Variants in CD34 observed in about 807,000 individuals in gnomAD.
The protein encoded by CD34 is hematopoietic progenitor cell antigen CD34.
In CD34, 34 loss-of-function variants were observed where a neutral mutation model predicts 40.1. The ratio of observed to expected loss-of-function variants is 0.85; its 90% CI spans 0.65 to 1.13. The LOEUF (loss-of-function observed/expected upper bound fraction) is 1.13, where lower values mean the gene tolerates loss of function less well. Among genes scored for constraint, CD34 ranks in the 50% most tolerant of loss-of-function variants. CD34 has a pLI of 0.00. For synonymous variants in CD34, 209 were observed against 190.0 expected (o/e 1.10, Z -0.82); for missense variants, 426 against 466.9 (o/e 0.91, Z 0.81).
chr1:207,910,254 AG>A (rs1662478491), intron 1 of CD34, among the ~76,000 whole-genome samples: 1 of 152,136 alleles, frequency 6.6e-6, no homozygotes, highest in Non-Finnish European at 1.5e-5. Context: ...AAACTCCAAA[AG>A]GTGACAAGTT....
intron 1 of CD34, among the ~76,000 whole-genome samples, chr1:207,902,059 G>T (rs1277748291): frequency 6.6e-6 from 1 of 152,182 alleles, no homozygotes; most frequent in Admixed American, 6.5e-5. Flanking sequence ...GATGACAAGG[G>T]TTTCACTCTC....
intron 1 of CD34, among the ~76,000 whole-genome samples, chr1:207,901,067 A>C (rs1378815954): frequency 6.8e-6 from 1 of 146,822 alleles, no homozygotes; most frequent in East Asian, 2.0e-4. Flanking sequence ...TGCAGTGGTG[A>C]GATCATAGCT....
chr1:207,899,746 T>C (rs1662235383), intron 2 of CD34, 75 bp downstream of exon 2: 1 of 1,341,132 alleles, frequency 7.5e-7, no homozygotes, highest in African/African-American at 1.5e-5. Flanking sequence ...AGGGGAGCGG[T>C]CTGAAAACAT....
chr1:207,896,301 A>C (rs1662148931), intron 4 of CD34, among the ~76,000 whole-genome samples: 1 of 152,224 alleles, frequency 6.6e-6, no homozygotes. Context: ...GATTTACTGA[A>C]ACAAAGCAAG....
In CD34 at chr1:207,889,149, C is replaced by A. The variant is rs1400574901; in HGVS notation, c.807+12G>T. The A allele has an allele frequency of 1.3e-6, 2 of 1,500,406 alleles. No individual in the cohort carries two copies. The highest frequency in any genetic ancestry group is 1.7e-4 in the Middle Eastern group (1 of 5,864). The allele number at this position is 1,500,406 out of a possible 1,614,324, so 92.9% of individuals were successfully genotyped here. A position where few individuals can be genotyped will look rare whatever the true frequency, so the allele number is the denominator to read the frequency against. On this transcript the variant is annotated intron_variant, in intron 6 of 7. Transcript: ENST00000310833. ...GCATTCCCTCTCAGGCCCATCATCT[C>A]AGAGGACTTACCTTTTTCAGGTCAG...
chr1:207,889,732 TC>T (rs764912889), intron 4 of CD34, 111 bp from the exon 5 acceptor site: 2 of 1,588,722 alleles, frequency 1.3e-6, no homozygotes, highest in Non-Finnish European at 8.5e-7. Context: ...GCAAGAAGGA[TC>T]CTTGTTTCTA....
chr1:207,888,384 A>G lies in CD34; in HGVS notation c.972+298T>C, dbSNP rs193281682. Among the ~76,000 whole-genome samples the G allele has an allele frequency of 3.3e-5, 5 of 152,304 alleles. No individual in the cohort carries two copies. In the East Asian group the frequency reaches 5.8e-4, roughly 18 times the overall value. On this transcript the variant is annotated intron_variant, in intron 7 of 7. Transcript: ENST00000310833. ...TTGCAAATACAGTGTGGCTGATTAAACAGCCTGTTCTGGTGGCCCCAAGCT... is the reference window on the plus strand; with the variant it reads ...TTGCAAATACAGTGTGGCTGATTAAGCAGCCTGTTCTGGTGGCCCCAAGCT...
At chr1:207,900,918 A>G (rs1248785126) in intron 1 of CD34, among the ~76,000 whole-genome samples, 1 of 151,874 alleles carries the variant, frequency 6.6e-6, no homozygotes, top group African/African-American at 2.4e-5. Context: ...TTATAGTATA[A>G]TGTTTTGGAT....
At chr1:207,907,215 T>C (rs1174860360) in intron 1 of CD34, among the ~76,000 whole-genome samples, 4 of 152,160 alleles carry the variant, frequency 2.6e-5, no homozygotes, top group Non-Finnish European at 5.9e-5. Context: ...TAGACATTAC[T>C]GTGCTAATGA....
intron 4 of CD34, chr1:207,890,074 T>C: frequency 7.9e-7 from 1 of 1,271,958 alleles, no homozygotes; most frequent in East Asian, 3.9e-5. Context: ...ATACACTCAG[T>C]GGAAACCTCA....
chr1:207,908,828 C>T (rs976011856), intron 1 of CD34, among the ~76,000 whole-genome samples: 7 of 152,152 alleles, frequency 4.6e-5, no homozygotes, highest in Non-Finnish European at 4.4e-5. Flanking sequence ...ATGCACATGC[C>T]ACCTTCTCAA....
intron 1 of CD34, among the ~76,000 whole-genome samples, chr1:207,900,509 G>A (rs983192568): frequency 4.0e-5 from 6 of 151,816 alleles, no homozygotes; most frequent in African/African-American, 1.5e-4. Flanking sequence ...CTCTTTTTTG[G>A]TCACTCTCCA....
At chr1:207,897,677 C>G in intron 3 of CD34, 104 bp from the exon 4 acceptor site, 4 of 838,098 alleles carry the variant, frequency 4.8e-6, no homozygotes, top group Non-Finnish European at 7.8e-6. Flanking sequence ...GTGAGGTGCT[C>G]TCTTAGGAGG....
In CD34 at chr1:207,888,931, C is replaced by T. The variant is rs796693057; in HGVS notation, c.808-85G>A. ...CTCCAGCCCTCTGTGTGTGACTCAACAGTGAACAGATGCTTGAGGGCATTG... is the reference window on the plus strand; with the variant it reads ...CTCCAGCCCTCTGTGTGTGACTCAATAGTGAACAGATGCTTGAGGGCATTG... On this transcript the variant is annotated intron_variant, in intron 6 of 7. Coordinates refer to ENST00000310833, the MANE Select transcript of CD34 (RefSeq NM_001025109.2). 20 of 1,338,034 alleles carry T rather than the reference C, an allele frequency of 1.5e-5. No homozygotes were observed. In the African/African-American group the frequency reaches 2.8e-4, roughly 18 times the overall value. The allele number at this position is 1,338,034 out of a possible 1,614,324, so 82.9% of individuals were successfully genotyped here.
intron 1 of CD34, among the ~76,000 whole-genome samples, chr1:207,908,771 C>G (rs1194661524): frequency 6.6e-6 from 1 of 152,162 alleles, no homozygotes; most frequent in Non-Finnish European, 1.5e-5. Flanking sequence ...CTGTGATCTC[C>G]CCCACTTCCA....
In CD34 at chr1:207,887,645, G is replaced by C; in HGVS notation, c.*93C>G. The C allele has an allele frequency of 6.4e-7, 1 of 1,552,012 alleles. No homozygotes were observed. Among genetic ancestry groups the C allele is most frequent in the African/African-American group, 1.3e-5 (1 of 74,210 alleles). On this transcript the variant is annotated 3_prime_UTR_variant, in exon 8 of 8. Transcript: ENST00000310833. ...TGCAGTGGGGAAGGGTTGGGCGTAA[G>C]AGATGTCACCTCCAGCATGGGGGTA...
At chr1:207,897,686 G>A (rs996121483) in intron 3 of CD34, 113 bp from the exon 4 acceptor site, 25 of 773,056 alleles carry the variant, frequency 3.2e-5, no homozygotes, top group Non-Finnish European at 4.6e-5. Flanking sequence ...TCTCTTAGGA[G>A]GTTTTAAGGA....
At chr1:207,898,059 A>ATTTATTTT (rs1662188897) in intron 3 of CD34, among the ~76,000 whole-genome samples, 1 of 150,614 alleles carries the variant, frequency 6.6e-6, no homozygotes, top group Admixed American at 6.6e-5. Context: ...TTATTTATTT[A>ATTTATTTT]TTTATTTATT....
rs375607268 is a variant in CD34, at chr1:207,910,668, G to C, written c.79+334C>G. Among the ~76,000 whole-genome samples the C allele has an allele frequency of 1.8e-4, 27 of 151,378 alleles. No homozygotes were observed. In the East Asian group the frequency reaches 2.7e-3, roughly 15 times the overall value. The stretch of plus-strand genomic sequence containing the variant: ...TCTCCTCCCCAGTCTCCCGGTTCTG[G>C]CTGCAACTTCGCACTCCGCGCCTCT... On this transcript the variant is annotated intron_variant, in intron 1 of 7. Transcript: ENST00000310833.
Sources: gnomAD v4.1 joint callset for allele counts (sites outside exome capture counted in the v4.1 genomes callset) on GRCh38, gnomAD v4.1.1 for gene constraint, MANE v1.5 for transcripts, NCBI Gene and HGNC (gene_info 2026-07-23, HGNC 2026-07-21) for gene names.